The following AKAP6 variants were observed in gnomAD, a reference collection of about 807,000 sequenced individuals.
AKAP6 encodes A-kinase anchor protein 6.
AKAP6 carries 58 observed loss-of-function variants against 188.5 expected under a neutral mutation model. That is an observed-to-expected ratio of 0.31 (90% CI 0.25 to 0.38). The LOEUF is 0.38. Among genes scored for constraint, AKAP6 ranks in the 10% least tolerant of loss-of-function variants. The pLI, the probability that AKAP6 is intolerant of heterozygous loss-of-function variation, is 1.00. For missense variants in AKAP6, 2,710 were observed against 2,740.0 expected (o/e 0.99, Z 0.24); for synonymous variants, 989 against 998.6 (o/e 0.99, Z 0.18).
intron 12 of AKAP6, among the ~76,000 whole-genome samples, chr14:32,804,326 C>T (rs2034032275): frequency 6.6e-6 from 1 of 152,194 alleles, no homozygotes; most frequent in South Asian, 2.1e-4. Flanking sequence ...TAACCTTTCT[C>T]ATTGCAGGCC....
At chr14:32,766,449 G>A (rs1483455382) in intron 11 of AKAP6, among the ~76,000 whole-genome samples, 1 of 151,982 alleles carries the variant, frequency 6.6e-6, no homozygotes, top group African/African-American at 2.4e-5. Context: ...TTTTCATGTG[G>A]CTGCACCATT....
intron 1 of AKAP6, among the ~76,000 whole-genome samples, chr14:32,334,528 G>C (rs921496547): frequency 6.6e-6 from 1 of 152,198 alleles, no homozygotes; most frequent in East Asian, 1.9e-4. Flanking sequence ...CAATTGTTCT[G>C]TTTTATTATT....
chr14:32,400,280 G>A (rs899132916), intron 1 of AKAP6, among the ~76,000 whole-genome samples: 29 of 151,238 alleles, frequency 1.9e-4, no homozygotes, highest in Non-Finnish European at 3.2e-4. Flanking sequence ...AGACCTCTAG[G>A]GTCCTGGTTC....
rs886788541 is a variant in AKAP6 at position 32,492,646 on chromosome 14, C to G, written c.325-42908C>G. Among the ~76,000 whole-genome samples the G allele has an allele frequency of 5.9e-5, 9 of 151,456 alleles. No individual in the cohort carries two copies. The East Asian group carries it at 1.8e-3, about 29-fold the overall frequency. ...ATAGATCCCTGTGAAGTACATGTTC[C>G]TTTTTTTTCCCTGCCAGGATATAAC... On this transcript the variant is annotated intron_variant, in intron 2 of 13. Coordinates refer to ENST00000280979, the MANE Select transcript of AKAP6 (RefSeq NM_004274.5).
chr14:32,470,977 T>C (rs914217074), intron 2 of AKAP6, among the ~76,000 whole-genome samples: 4 of 150,598 alleles, frequency 2.7e-5, no homozygotes, highest in Non-Finnish European at 3.0e-5. Context: ...TCAAATACTT[T>C]AGATACATGA....
chr14:32,507,346 A>G (rs1880931581), intron 2 of AKAP6, among the ~76,000 whole-genome samples: 1 of 152,250 alleles, frequency 6.6e-6, no homozygotes. Context: ...ACCATCCAGT[A>G]TCTCACAATG....
At chr14:32,650,806 T>C (rs1025820301) in intron 7 of AKAP6, among the ~76,000 whole-genome samples, 4 of 152,172 alleles carry the variant, frequency 2.6e-5, no homozygotes, top group Admixed American at 2.6e-4. Context: ...AGATTTTTAA[T>C]ACTTTGAGAA....
intron 12 of AKAP6, among the ~76,000 whole-genome samples, chr14:32,786,467 C>T (rs540101882): frequency 3.8e-4 from 53 of 141,146 alleles, no homozygotes; most frequent in Non-Finnish European, 6.1e-4. Context: ...ACCACCACGC[C>T]CGGCTAATTA....
intron 4 of AKAP6, among the ~76,000 whole-genome samples, chr14:32,554,976 A>C (rs1324153307): frequency 6.6e-6 from 1 of 152,264 alleles, no homozygotes; most frequent in East Asian, 1.9e-4. Context: ...CTGTTTGTCC[A>C]CAAGAGATGT....
intron 5 of AKAP6, among the ~76,000 whole-genome samples, chr14:32,593,859 T>A (rs1424831943): frequency 6.6e-6 from 1 of 152,138 alleles, no homozygotes; most frequent in Non-Finnish European, 1.5e-5. Flanking sequence ...CATTTATGTT[T>A]TGGGGGGTCC....
chr14:32,451,486 G>T (rs1951190), intron 2 of AKAP6, among the ~76,000 whole-genome samples: 1 of 152,204 alleles, frequency 6.6e-6, no homozygotes, highest in South Asian at 2.1e-4. Flanking sequence ...AATTAGCATA[G>T]TTATGCCAAA....
At chr14:32,354,487 A>G (rs1057463820) in intron 1 of AKAP6, among the ~76,000 whole-genome samples, 1 of 152,186 alleles carries the variant, frequency 6.6e-6, no homozygotes, top group Non-Finnish European at 1.5e-5. Context: ...GGTGTCTGGC[A>G]CAATAAGTGC....
At chr14:32,451,573 G>A (rs938647996) in intron 2 of AKAP6, among the ~76,000 whole-genome samples, 16 of 152,124 alleles carry the variant, frequency 1.1e-4, no homozygotes, top group African/African-American at 2.2e-4. Context: ...TAAAGCTGTC[G>A]TTGACTAATT....
chr14:32,554,452 C>T (rs1594739378), intron 4 of AKAP6, among the ~76,000 whole-genome samples: 1 of 152,252 alleles, frequency 6.6e-6, no homozygotes, highest in East Asian at 1.9e-4. Flanking sequence ...CAGATGAGGA[C>T]TCCAGGCTTA....
intron 7 of AKAP6, among the ~76,000 whole-genome samples, chr14:32,643,906 C>A (rs1488407417): frequency 6.6e-6 from 1 of 152,150 alleles, no homozygotes; most frequent in African/African-American, 2.4e-5. Flanking sequence ...AGGATTCAAT[C>A]TGTAGGCTTA....
At chr14:32,795,978 T>C (rs7161001) in intron 12 of AKAP6, among the ~76,000 whole-genome samples, 74,781 of 152,020 alleles carry the variant, frequency 0.49, 18,599 homozygotes, top group African/African-American at 0.51. Flanking sequence ...AGCATTTCTA[T>C]ATACCAACAA....
At chr14:32,497,769 T>C (rs954555527) in intron 2 of AKAP6, among the ~76,000 whole-genome samples, 1 of 152,018 alleles carries the variant, frequency 6.6e-6, no homozygotes, top group Admixed American at 6.6e-5. Flanking sequence ...AATTTGTCTG[T>C]TTCTCCTTGA....
At chr14:32,475,974 C>CGCCTG (rs1879047564) in intron 2 of AKAP6, among the ~76,000 whole-genome samples, 1 of 151,984 alleles carries the variant, frequency 6.6e-6, no homozygotes, top group Non-Finnish European at 1.5e-5. Flanking sequence ...TGAGCCACTG[C>CGCCTG]GCCTGGCCTT....
chr14:32,660,893 A>G (rs778213431), intron 7 of AKAP6, among the ~76,000 whole-genome samples: 87 of 139,340 alleles, frequency 6.2e-4, no homozygotes, highest in African/African-American at 2.2e-3. Context: ...CTTTTTGGCT[A>G]TTTCTAGCTC....
Sources: gnomAD v4.1 joint callset for allele counts (sites outside exome capture counted in the v4.1 genomes callset) on GRCh38, gnomAD v4.1.1 for gene constraint, MANE v1.5 for transcripts, NCBI Gene and HGNC (gene_info 2026-07-23, HGNC 2026-07-21) for gene names.